The following MECOM variants were observed in gnomAD, a reference collection of about 807,000 sequenced individuals.
The protein encoded by MECOM is MDS1 and EVI1 complex locus.
Under a neutral mutation model 116.3 loss-of-function variants are expected in MECOM, and 13 were observed. That is an observed-to-expected ratio of 0.11 (90% CI 0.07 to 0.18). MECOM has a LOEUF of 0.18. Ranked by LOEUF, MECOM falls within the 10% of genes least tolerant of loss-of-function variation. MECOM has a pLI of 1.00. For synonymous variants in MECOM, 528 were observed against 535.2 expected (o/e 0.99, Z 0.19); for missense variants, 1,299 against 1,509.0 (o/e 0.86, Z 2.31).
At chr3:169,619,363 G>A (rs1414833957) in intron 1 of MECOM, among the ~76,000 whole-genome samples, 6 of 152,164 alleles carry the variant, frequency 3.9e-5, no homozygotes, top group African/African-American at 1.4e-4. Flanking sequence ...AAATAAGGCT[G>A]GGCTGGAGAG....
At chr3:169,561,635 GA>G (rs997184652) in intron 1 of MECOM, among the ~76,000 whole-genome samples, 6 of 152,114 alleles carry the variant, frequency 3.9e-5, no homozygotes, top group African/African-American at 1.4e-4. Context: ...TGGAAAGGAA[GA>G]AAAACAAATG....
intron 1 of MECOM, among the ~76,000 whole-genome samples, chr3:169,604,092 C>G (rs562783726): frequency 2.6e-5 from 4 of 152,040 alleles, no homozygotes; most frequent in Non-Finnish European, 4.4e-5. Flanking sequence ...AAAAATGATA[C>G]GGAGTGGAGG....
intron 1 of MECOM, among the ~76,000 whole-genome samples, chr3:169,418,677 C>T (rs558565453): frequency 2.4e-3 from 371 of 152,112 alleles, no homozygotes; most frequent in African/African-American, 8.5e-3. Flanking sequence ...GCAGAAAAGG[C>T]CTTCGATAAA....
chr3:169,627,210 A>G (rs965607956), intron 1 of MECOM, among the ~76,000 whole-genome samples: 5 of 152,226 alleles, frequency 3.3e-5, no homozygotes, highest in Admixed American at 6.5e-5. Flanking sequence ...TACACGGCCC[A>G]GCAAAAATGG....
chr3:169,335,096 A>T lies in MECOM; in HGVS notation c.375+46091T>A, dbSNP rs188427396. 2.9e-3 allele frequency among the ~76,000 whole-genome samples: 442 copies of T among 152,262 alleles called. 1 individual carries two copies. The highest frequency in any genetic ancestry group is 5.1e-3 in the Non-Finnish European group (348 of 68,008). ...TTTTTTTCAGGGGTTTGTCATTCCT[A>T]TGCTTAGGTGGCTATCATTCTATTT... On this transcript the variant is annotated intron_variant, in intron 2 of 16. Transcript: ENST00000651503.
chr3:169,121,243 C>T, intron 6 of MECOM, 34 bp from the exon 7 acceptor site: 1 of 1,554,822 alleles, frequency 6.4e-7, no homozygotes, highest in Non-Finnish European at 8.7e-7. Context: ...AATCAAGAAA[C>T]TTAACTCAAG....
intron 8 of MECOM, among the ~76,000 whole-genome samples, chr3:169,114,054 C>T (rs555454980): frequency 6.6e-6 from 1 of 151,974 alleles, no homozygotes; most frequent in Non-Finnish European, 1.5e-5. Flanking sequence ...GAATCAGAAG[C>T]CAGTTGCTAC....
In MECOM at chr3:169,148,059, TC is replaced by T. The variant is rs201344440; in HGVS notation, c.376-4228del. On this transcript the variant is annotated intron_variant, in intron 2 of 16. Coordinates refer to ENST00000651503, the MANE Select transcript of MECOM (RefSeq NM_004991.4). ...AATTGAAACTCATACTCTAATTTAT[TC>T]CCTTCATTCTTGTAGCTAGGTCAGA... is the stretch of plus-strand genomic sequence containing the variant. 6.0e-4 allele frequency among the ~76,000 whole-genome samples: 92 copies of T among 152,288 alleles called. No homozygotes were observed. In the East Asian group the frequency reaches 7.9e-3, roughly 13 times the overall value.
intron 1 of MECOM, among the ~76,000 whole-genome samples, chr3:169,452,654 G>A (rs1044868483): frequency 5.9e-5 from 9 of 152,114 alleles, no homozygotes; most frequent in East Asian, 5.8e-4. Context: ...GTTCTGCGCC[G>A]GCTTCAGAGG....
intron 2 of MECOM, chr3:169,146,199 C>G (rs895112950): frequency 9.5e-7 from 1 of 1,055,116 alleles, no homozygotes; most frequent in Non-Finnish European, 1.1e-6. Context: ...AAACCAACAG[C>G]AAAAGGAAAA....
chr3:169,286,538 C>T (rs753262463), intron 2 of MECOM, among the ~76,000 whole-genome samples: 3 of 152,140 alleles, frequency 2.0e-5, no homozygotes, highest in African/African-American at 7.2e-5. Flanking sequence ...CGGTTGACAA[C>T]GCTCCCTGCA....
chr3:169,312,237 A>T (rs1387078170), intron 2 of MECOM, among the ~76,000 whole-genome samples: 4 of 152,170 alleles, frequency 2.6e-5, no homozygotes, highest in African/African-American at 9.6e-5. Flanking sequence ...GATGATGGTG[A>T]TGTTGACCAG....
At chr3:169,167,153 A>G (rs1420003767) in intron 2 of MECOM, among the ~76,000 whole-genome samples, 1 of 152,132 alleles carries the variant, frequency 6.6e-6, no homozygotes, top group East Asian at 1.9e-4. Context: ...TTTTAAAAAA[A>G]TTTTTGTAGA....
chr3:169,319,673 T>C (rs1720508755), intron 2 of MECOM, among the ~76,000 whole-genome samples: 1 of 152,228 alleles, frequency 6.6e-6, no homozygotes, highest in South Asian at 2.1e-4. Flanking sequence ...TAACAGAGTT[T>C]ATTTTGGAAA....
intron 2 of MECOM, among the ~76,000 whole-genome samples, chr3:169,367,005 C>T (rs967697886): frequency 2.0e-5 from 3 of 152,084 alleles, no homozygotes; most frequent in Non-Finnish European, 4.4e-5. Flanking sequence ...TTATCTGCTG[C>T]GCACTGTGCC....
Position 169,378,464 on chromosome 3 carries a change from A to G in MECOM, c.375+2723T>C, listed in dbSNP as rs1299106. Among the ~76,000 whole-genome samples the G allele has an allele frequency of 4.3e-4, 27 of 62,994 alleles. 2 individuals carry two copies. Among genetic ancestry groups the G allele is most frequent in the African/African-American group, 2.5e-3 (20 of 7,880 alleles). 41.3% of individuals were successfully genotyped at this position (62,994 alleles called of 152,430 possible). A position where few individuals can be genotyped will look rare whatever the true frequency, so the allele number is the denominator to read the frequency against. On this transcript the variant is annotated intron_variant, in intron 2 of 16. Transcript: ENST00000651503. ...AAGAAAGAAAGAAGGAAAGCAAGCA[A>G]GCAAGCAAGCAAGAAAGAGAGAGAG...
At chr3:169,624,509 G>A (rs1034311990) in intron 1 of MECOM, among the ~76,000 whole-genome samples, 2 of 152,190 alleles carry the variant, frequency 1.3e-5, no homozygotes, top group African/African-American at 4.8e-5. Flanking sequence ...ACACCACCAA[G>A]TGGGTGGCCG....
At chr3:169,219,041 T>A (rs1407794230) in intron 2 of MECOM, among the ~76,000 whole-genome samples, 1 of 152,122 alleles carries the variant, frequency 6.6e-6, no homozygotes, top group Non-Finnish European at 1.5e-5. Flanking sequence ...GCTGTGGGCT[T>A]TTTGCAACAA....
At chr3:169,175,310 A>G (rs1744985729) in intron 2 of MECOM, among the ~76,000 whole-genome samples, 1 of 152,164 alleles carries the variant, frequency 6.6e-6, no homozygotes, top group African/African-American at 2.4e-5. Context: ...GACATTTTTG[A>G]GTGCCTATAT....
Sources: gnomAD v4.1 joint callset for allele counts (sites outside exome capture counted in the v4.1 genomes callset) on GRCh38, gnomAD v4.1.1 for gene constraint, MANE v1.5 for transcripts, NCBI Gene and HGNC (gene_info 2026-07-23, HGNC 2026-07-21) for gene names.